The following ARHGEF33 variants were observed in gnomAD, a reference collection of about 807,000 sequenced individuals.
ARHGEF33 encodes DH and coiled-coil domain-containing protein ENSP00000381780.
ARHGEF33 carries 72 observed loss-of-function variants against 101.9 expected under a neutral mutation model. The ratio of observed to expected loss-of-function variants is 0.71; its 90% CI spans 0.58 to 0.86. ARHGEF33 has a LOEUF of 0.86. ARHGEF33 is among the 40% of genes least tolerant of loss of function. The pLI is 0.00. For synonymous variants in ARHGEF33, 499 were observed against 442.5 expected, an observed-to-expected ratio of 1.13 and a Z score of -1.60; for missense variants, 1,169 against 1,111.3, an observed-to-expected ratio of 1.05 and a Z score of -0.74.
At chr2:38,972,077 A>G in intron 17 of ARHGEF33, 2 of 663,712 alleles carry the variant, frequency 3.0e-6, no homozygotes, top group Non-Finnish European at 5.6e-6. Context: ...CTGATGAGAA[A>G]CTGTCCTGTG....
intron 2 of ARHGEF33, among the ~76,000 whole-genome samples, chr2:38,901,647 G>A (rs1342866605): frequency 6.6e-6 from 1 of 152,184 alleles, no homozygotes; most frequent in African/African-American, 2.4e-5. Context: ...AAAATGCAAA[G>A]CATAGCAATA....
At chr2:38,941,661 C>T (rs1288127195) in intron 9 of ARHGEF33, among the ~76,000 whole-genome samples, 1 of 151,980 alleles carries the variant, frequency 6.6e-6, no homozygotes, top group Non-Finnish European at 1.5e-5. Context: ...AATCCCCCTG[C>T]CTCAGCCTCC....
In ARHGEF33 at chr2:38,919,396, G is replaced by T; in HGVS notation, c.-52G>T. 1 of 1,548,264 alleles carries T rather than the reference G, an allele frequency of 6.5e-7. No homozygotes were observed. The highest frequency in any genetic ancestry group is 8.7e-7 in the Non-Finnish European group (1 of 1,144,032). On this transcript the variant is annotated 5_prime_UTR_variant, in exon 3 of 18. Transcript: ENST00000409978. ...AAGAGGAGGTGGCCTGAGCCAGGAC[G>T]ATGAGGATGCAATGTTGAAGAATAA... is the stretch of plus-strand genomic sequence containing the variant.
chr2:38,962,888 G>T (rs182854571), intron 16 of ARHGEF33, among the ~76,000 whole-genome samples: 25 of 149,604 alleles, frequency 1.7e-4, no homozygotes, highest in African/African-American at 5.9e-4. Context: ...GCCGGGCATG[G>T]TGGTGAGCAC....
intron 9 of ARHGEF33, among the ~76,000 whole-genome samples, chr2:38,938,511 C>G (rs773263201): frequency 6.6e-6 from 1 of 152,190 alleles, no homozygotes; most frequent in Non-Finnish European, 1.5e-5. Context: ...TGCACTCCAG[C>G]CTAGGCAACA....
chr2:38,893,557 A>C (rs1666053819), intron 1 of ARHGEF33, among the ~76,000 whole-genome samples: 1 of 152,194 alleles, frequency 6.6e-6, no homozygotes, highest in African/African-American at 2.4e-5. Context: ...CCACAAGGGA[A>C]TTCATCTTTT....
At chr2:38,891,797 G>A (rs1309730506) in intron 1 of ARHGEF33, among the ~76,000 whole-genome samples, 1 of 151,770 alleles carries the variant, frequency 6.6e-6, no homozygotes, top group African/African-American at 2.4e-5. Context: ...CTGCTGCTGG[G>A]CCCCAAGGAC....
At chr2:38,971,237 C>T (rs572566430) in intron 17 of ARHGEF33, among the ~76,000 whole-genome samples, 1 of 152,310 alleles carries the variant, frequency 6.6e-6, no homozygotes, top group South Asian at 2.1e-4. Flanking sequence ...CTTGGTATGA[C>T]CTACTGAATT....
chr2:38,945,787 A>G (rs1231027556), intron 10 of ARHGEF33, among the ~76,000 whole-genome samples: 1 of 152,232 alleles, frequency 6.6e-6, no homozygotes, highest in African/African-American at 2.4e-5. Context: ...GGGAGTAGTA[A>G]GCAGCTGCTC....
intron 2 of ARHGEF33, among the ~76,000 whole-genome samples, chr2:38,910,113 T>A (rs1666476673): frequency 6.6e-6 from 1 of 152,204 alleles, no homozygotes; most frequent in South Asian, 2.1e-4. Context: ...AACCTTCCTG[T>A]GATATTATGC....
intron 1 of ARHGEF33, among the ~76,000 whole-genome samples, chr2:38,893,670 C>G (rs1666057070): frequency 6.6e-6 from 1 of 152,186 alleles, no homozygotes; most frequent in Admixed American, 6.5e-5. Context: ...AGACTGGAAG[C>G]AGAAACAATG....
At chr2:38,915,382 CTTT>C (rs35975491) in intron 2 of ARHGEF33, among the ~76,000 whole-genome samples, 9 of 112,378 alleles carry the variant, frequency 8.0e-5, no homozygotes, top group African/African-American at 2.0e-4. Flanking sequence ...TTTTTATTGA[CTTT>C]TTTTTTTTTT....
intron 10 of ARHGEF33, among the ~76,000 whole-genome samples, chr2:38,946,143 G>A (rs923746699): frequency 1.3e-5 from 2 of 152,150 alleles, no homozygotes; most frequent in Middle Eastern, 6.3e-3. Context: ...ATGTTGTCTA[G>A]CCCTTGTTGC....
At chr2:38,937,713 G>A (rs1667183953) in intron 9 of ARHGEF33, among the ~76,000 whole-genome samples, 154 bp downstream of exon 9, 1 of 152,172 alleles carries the variant, frequency 6.6e-6, no homozygotes, top group African/African-American at 2.4e-5. Context: ...AAAGCCTATA[G>A]AGGTAAAGGG....
At chr2:38,960,741 C>T in intron 16 of ARHGEF33, 93 bp downstream of exon 16, 1 of 1,022,900 alleles carries the variant, frequency 9.8e-7, no homozygotes, top group Non-Finnish European at 1.2e-6. Context: ...TGGAGAGGAG[C>T]GGGGCCGGGC....
chr2:38,936,713 C>T (rs937660370), intron 8 of ARHGEF33, among the ~76,000 whole-genome samples: 4 of 151,968 alleles, frequency 2.6e-5, no homozygotes, highest in African/African-American at 7.2e-5. Flanking sequence ...TGGTGGCTCA[C>T]GCCTGTAATC....
At chr2:38,952,044 T>A (rs970590548) in intron 11 of ARHGEF33, among the ~76,000 whole-genome samples, 2 of 152,188 alleles carry the variant, frequency 1.3e-5, no homozygotes, top group Admixed American at 6.5e-5. Flanking sequence ...CCAATCATTA[T>A]GCAGGAAAAA....
intron 4 of ARHGEF33, among the ~76,000 whole-genome samples, chr2:38,927,791 C>T (rs72916836): frequency 0.022 from 3,398 of 152,250 alleles, 137 homozygotes; most frequent in African/African-American, 0.078. Flanking sequence ...GCTAAGAGTT[C>T]CTCCACTTGA....
intron 10 of ARHGEF33, 90 bp downstream of exon 10, chr2:38,944,120 T>C: frequency 7.6e-7 from 1 of 1,323,704 alleles, no homozygotes; most frequent in African/African-American, 1.5e-5. Context: ...TTCTGGGGCC[T>C]ATGAAGAGTT....
Sources: gnomAD v4.1 joint callset for allele counts (sites outside exome capture counted in the v4.1 genomes callset) on GRCh38, gnomAD v4.1.1 for gene constraint, MANE v1.5 for transcripts, NCBI Gene and HGNC (gene_info 2026-07-23, HGNC 2026-07-21) for gene names.